The following CRACR2A variants were observed in gnomAD, a reference collection of about 807,000 sequenced individuals.
CRACR2A encodes EF-hand calcium-binding domain-containing protein 4B.
Under a neutral mutation model 90.5 loss-of-function variants are expected in CRACR2A, and 79 were observed. That is an observed-to-expected ratio of 0.87 (90% CI 0.73 to 1.05). CRACR2A has a LOEUF of 1.05. Among genes scored for constraint, CRACR2A ranks in the 50% least tolerant of loss-of-function variants. The pLI, the probability that CRACR2A is intolerant of heterozygous loss-of-function variation, is 0.00. For synonymous variants in CRACR2A, 338 were observed against 356.7 expected, an observed-to-expected ratio of 0.95 and a Z score of 0.59; for missense variants, 823 against 897.2, an observed-to-expected ratio of 0.92 and a Z score of 1.06.
chr12:3,653,840 A>G (rs922790276), intron 10 of CRACR2A, among the ~76,000 whole-genome samples: 4 of 152,204 alleles, frequency 2.6e-5, no homozygotes, highest in Non-Finnish European at 4.4e-5. Context: ...CTGCTCACTC[A>G]GCATTTGCCC....
At chr12:3,628,098 CTTCCCTCTCTCT>C (rs1207769884) in intron 15 of CRACR2A, among the ~76,000 whole-genome samples, 3 of 142,568 alleles carry the variant, frequency 2.1e-5, no homozygotes, top group Non-Finnish European at 4.6e-5. Context: ...TCCCTCTCTC[CTTCCCTCTCTCT>C]TTCCCTCCCT....
chr12:3,663,340 C>T (rs570785769), intron 7 of CRACR2A, among the ~76,000 whole-genome samples: 7 of 151,944 alleles, frequency 4.6e-5, no homozygotes, highest in Non-Finnish European at 1.0e-4. Context: ...AAAATTCTTG[C>T]GACAATACCA....
chr12:3,621,525 A>G (rs56406903), intron 17 of CRACR2A, among the ~76,000 whole-genome samples: 14,867 of 149,756 alleles, frequency 0.099, 809 homozygotes, highest in Middle Eastern at 0.16. Flanking sequence ...GGTGGTGGGC[A>G]CCTGTAGTCC....
intron 17 of CRACR2A, among the ~76,000 whole-genome samples, chr12:3,619,842 G>T (rs1053029490): frequency 6.6e-6 from 1 of 152,210 alleles, no homozygotes; most frequent in Non-Finnish European, 1.5e-5. Flanking sequence ...ATTAGAAACT[G>T]CATCACTAGA....
chr12:3,617,167 T>C lies in CRACR2A; in HGVS notation c.2035-137A>G, dbSNP rs1867703802. Reference sequence around the variant, plus strand: ...GCCCCTTGACCTTCCTCATAATCCTTCCCCACTCTGTACATGGCTGATTTC... The same window carrying C: ...GCCCCTTGACCTTCCTCATAATCCTCCCCCACTCTGTACATGGCTGATTTC... On this transcript the variant is annotated intron_variant, in intron 18 of 19. Coordinates refer to ENST00000440314, the MANE Select transcript of CRACR2A (RefSeq NM_001144958.2). The C allele has an allele frequency of 6.0e-6, 4 of 665,484 alleles. No homozygotes were observed. In the South Asian group the frequency reaches 7.1e-5, roughly 12 times the overall value. The allele number at this position is 665,484 out of a possible 1,614,324, so 41.2% of individuals were successfully genotyped here.
rs774321219 is a variant in CRACR2A at position 3,615,446 on chromosome 12, GA to G, written c.2112-8del. On this transcript the variant is annotated splice_region_variant and splice_polypyrimidine_tract_variant and intron_variant, in intron 19 of 19. Coordinates refer to ENST00000440314, the MANE Select transcript of CRACR2A (RefSeq NM_001144958.2). The stretch of plus-strand genomic sequence containing the variant: ...TTCTTGCTCCTTGAGGAACCTGGGA[GA>G]GGGGAAGAGATCGTGTCAGTGATGG... 9 of 1,547,612 alleles carry G rather than the reference GA, an allele frequency of 5.8e-6. No individual in the cohort carries two copies. The African/African-American group carries it at 1.2e-4, about 21-fold the overall frequency.
At chr12:3,640,091 C>G (rs762948693) in intron 13 of CRACR2A, among the ~76,000 whole-genome samples, 95 of 152,336 alleles carry the variant, frequency 6.2e-4, no homozygotes, top group Admixed American at 1.6e-3. Context: ...TTGGAAAAAG[C>G]TTTCTGTCTG....
chr12:3,633,494 T>C lies in CRACR2A; in HGVS notation c.1735+110A>G, dbSNP rs1339102071. The C allele has an allele frequency of 7.0e-7, 1 of 1,424,822 alleles. No individual in the cohort carries two copies. Among genetic ancestry groups the C allele is most frequent in the Non-Finnish European group, 9.5e-7 (1 of 1,051,330 alleles). 88.3% of individuals were successfully genotyped at this position (1,424,822 alleles called of 1,614,324 possible). A position where few individuals can be genotyped will look rare whatever the true frequency, so the allele number is the denominator to read the frequency against. ...AGACACCAGTATCCCTACTGGCCAA[T>C]CCCCATGGCCCTTCCCATGGGCTTC... On this transcript the variant is annotated intron_variant, in intron 15 of 19. Transcript: ENST00000440314. The surrounding 1 kb of genome is among the most constrained non-coding windows in gnomAD (Gnocchi z 4.5).
chr12:3,642,302 A>G (rs1944588792), intron 12 of CRACR2A, among the ~76,000 whole-genome samples: 1 of 152,168 alleles, frequency 6.6e-6, no homozygotes, highest in Non-Finnish European at 1.5e-5. Context: ...CTGCAGCCTC[A>G]AACTCCTGCA....
At chr12:3,730,008 G>C (rs1286882779) in intron 2 of CRACR2A, 1 of 152,238 alleles carries the variant, frequency 6.6e-6, no homozygotes, top group Non-Finnish European at 1.5e-5. Flanking sequence ...AGAGAGCAGA[G>C]TTCTTTCCCT....
chr12:3,616,471 T>C (rs371151821), intron 19 of CRACR2A, among the ~76,000 whole-genome samples: 53 of 152,302 alleles, frequency 3.5e-4, no homozygotes, highest in East Asian at 2.7e-3. Flanking sequence ...ATTACCTTGG[T>C]TACCTCCCAT....
intron 1 of CRACR2A, among the ~76,000 whole-genome samples, chr12:3,737,966 C>T (rs1946471153): frequency 6.6e-6 from 1 of 152,226 alleles, no homozygotes; most frequent in African/African-American, 2.4e-5. Context: ...GGTGACACTC[C>T]TTCTGGTGTC....
At position 3,696,777 on chromosome 12, in the gene CRACR2A, T is replaced by C. The variant is rs769781447; in HGVS notation, c.223A>G (p.Met75Val). 1.9e-6 allele frequency: 3 copies of C among 1,614,204 alleles called. No individual in the cohort carries two copies. Among genetic ancestry groups the C allele is most frequent in the Non-Finnish European group, 2.5e-6 (3 of 1,180,046 alleles). Reference sequence around the variant, plus strand: ...CTACCTGGGACCCCACTTACCTGCATATCCTTCCTGGCGATGAAGCCCTTG... The same window carrying C: ...CTACCTGGGACCCCACTTACCTGCACATCCTTCCTGGCGATGAAGCCCTTG... ...EGKGFIARKD[M>V]QRLHKELPLS... Residue 75 changes from methionine to valine, a missense_variant, in exon 4 of 20, where the codon ATG (methionine) becomes GTG (valine). Transcript: ENST00000440314.
At position 3,671,046 on chromosome 12, in the gene CRACR2A, C is replaced by T. The variant is rs1464950257; in HGVS notation, c.671+2400G>A. Among the ~76,000 whole-genome samples, 12 of 152,146 alleles carry T rather than the reference C, an allele frequency of 7.9e-5. No homozygotes were observed. In the East Asian group the frequency reaches 1.7e-3, roughly 22 times the overall value. On this transcript the variant is annotated intron_variant, in intron 7 of 19. Coordinates refer to ENST00000440314, the MANE Select transcript of CRACR2A (RefSeq NM_001144958.2). The stretch of plus-strand genomic sequence containing the variant: ...CTTGACTTTTATCTCAACAACGTTT[C>T]GAGCACAATTACTAAATGAGGACAA...
At chr12:3,683,774 G>A (rs2094150596) in intron 4 of CRACR2A, among the ~76,000 whole-genome samples, 1 of 152,214 alleles carries the variant, frequency 6.6e-6, no homozygotes, top group Admixed American at 6.5e-5. Context: ...TGACAAACAT[G>A]GACTATTTAG....
intron 2 of CRACR2A, among the ~76,000 whole-genome samples, chr12:3,720,464 A>AAAGAAAGCAAGCAAGC (rs1478961662): frequency 3.3e-5 from 5 of 150,790 alleles, no homozygotes; most frequent in Admixed American, 1.3e-4. Context: ...AGAAAGAAAG[A>AAAGAAAGCAAGCAAGC]AAGCAAAAGA....
At chr12:3,651,222 G>A (rs190406853) in intron 10 of CRACR2A, among the ~76,000 whole-genome samples, 49 of 152,382 alleles carry the variant, frequency 3.2e-4, no homozygotes, top group African/African-American at 1.1e-3. Context: ...CAATGCTAAT[G>A]CAGAACAGTA....
intron 17 of CRACR2A, among the ~76,000 whole-genome samples, chr12:3,626,254 C>T (rs117570861): frequency 1.1e-4 from 16 of 152,296 alleles, no homozygotes; most frequent in Non-Finnish European, 1.9e-4. Context: ...TGAAAGGGAT[C>T]ATGGATCTTA....
intron 2 of CRACR2A, chr12:3,726,403 A>G (rs1308335090): frequency 6.6e-6 from 1 of 152,208 alleles, no homozygotes; most frequent in Non-Finnish European, 1.5e-5. Context: ...GGAACACATA[A>G]TGAAGTAGTC....
Sources: gnomAD v4.1 joint callset for allele counts (sites outside exome capture counted in the v4.1 genomes callset) on GRCh38, gnomAD v4.1.1 for gene constraint, Gnocchi (gnomAD v3.1) non-coding constraint, MANE v1.5 for transcripts, NCBI Gene and HGNC (gene_info 2026-07-23, HGNC 2026-07-21) for gene names.